DPF3: variants seen among roughly 807,000 people sequenced by gnomAD.
The protein encoded by DPF3 is zinc finger protein DPF3.
In DPF3, 18 loss-of-function variants were observed where a neutral mutation model predicts 56.8. The observed-to-expected ratio is 0.32, with a 90% CI of 0.22 to 0.47. DPF3 has a LOEUF of 0.47. Ranked by LOEUF, DPF3 falls within the 20% of genes least tolerant of loss-of-function variation. DPF3 has a pLI of 1.00. For synonymous variants in DPF3, 188 were observed against 180.2 expected (o/e 1.04, Z -0.35); for missense variants, 403 against 488.8 (o/e 0.82, Z 1.65).
At position 72,610,386 on chromosome 14, in the gene DPF3, G is replaced by A. The variant is rs753875546; in HGVS notation, c.*8911C>T. The stretch of plus-strand genomic sequence containing the variant: ...GCCACCTGCCAAAGCCCACCCAGAG[G>A]AATCCCAGCGTTCACAAATGGAGGC... On this transcript the variant is annotated 3_prime_UTR_variant, in exon 11 of 11. Coordinates refer to ENST00000556509, the MANE Select transcript of DPF3 (RefSeq NM_001280542.3). 1.7e-4 allele frequency among the ~76,000 whole-genome samples: 26 copies of A among 152,186 alleles called. No homozygotes were observed. Among genetic ancestry groups the A allele is most frequent in the Non-Finnish European group, 3.2e-4 (22 of 68,030 alleles).
intron 1 of DPF3, among the ~76,000 whole-genome samples, chr14:72,861,759 G>GAAAGAAAA: frequency 7.0e-6 from 1 of 142,670 alleles, no homozygotes; most frequent in African/African-American, 2.7e-5. Context: ...AAGAAAGAAA[G>GAAAGAAAA]AAAGAAAGAA....
chr14:72,818,033 G>A (rs1883364184), intron 1 of DPF3, among the ~76,000 whole-genome samples: 1 of 151,834 alleles, frequency 6.6e-6, no homozygotes, highest in Admixed American at 6.6e-5. Context: ...ATCACTTGAG[G>A]TCACGGGTTT....
At chr14:72,714,607 G>C in intron 5 of DPF3, 106 bp from the exon 6 acceptor site, 1 of 1,272,378 alleles carries the variant, frequency 7.9e-7, no homozygotes, top group Non-Finnish European at 1.1e-6. Context: ...CAACTTTTGT[G>C]CCAACACCAG....
intron 3 of DPF3, among the ~76,000 whole-genome samples, chr14:72,743,785 A>T (rs898727533): frequency 6.6e-6 from 1 of 152,106 alleles, no homozygotes; most frequent in Non-Finnish European, 1.5e-5. Flanking sequence ...TCCTGGGGAG[A>T]TGGTCCGGGG....
chr14:72,819,442 C>T (rs1883433138), intron 1 of DPF3, among the ~76,000 whole-genome samples: 1 of 151,982 alleles, frequency 6.6e-6, no homozygotes, highest in Non-Finnish European at 1.5e-5. Context: ...AAACTGGAAA[C>T]AACCCAAATG....
chr14:72,643,831 T>C (rs544893325), intron 8 of DPF3, among the ~76,000 whole-genome samples: 11 of 152,348 alleles, frequency 7.2e-5, no homozygotes, highest in Admixed American at 2.6e-4. Flanking sequence ...CCCACTCACC[T>C]TGTCTAAGAA....
chr14:72,840,116 T>C (rs944301152), intron 1 of DPF3, among the ~76,000 whole-genome samples: 1 of 152,188 alleles, frequency 6.6e-6, no homozygotes, highest in Admixed American at 6.5e-5. Context: ...AGACAGGAGC[T>C]AGAATTATTG....
At chr14:72,707,358 G>A (rs1339232501) in intron 6 of DPF3, among the ~76,000 whole-genome samples, 1 of 151,994 alleles carries the variant, frequency 6.6e-6, no homozygotes. Flanking sequence ...GGGATGGCTG[G>A]GTCAAATGGT....
intron 1 of DPF3, among the ~76,000 whole-genome samples, chr14:72,837,864 G>A (rs1228981490): frequency 2.0e-5 from 3 of 152,200 alleles, no homozygotes; most frequent in African/African-American, 4.8e-5. Flanking sequence ...GTTCGTCTGC[G>A]GCCTTCATGA....
chr14:72,729,739 G>A (rs1165092659), intron 4 of DPF3, among the ~76,000 whole-genome samples: 2 of 152,200 alleles, frequency 1.3e-5, no homozygotes, highest in Non-Finnish European at 2.9e-5. Flanking sequence ...ATGGAGACGG[G>A]GAAACGGCCA....
chr14:72,797,927 C>A (rs898548438), intron 1 of DPF3, among the ~76,000 whole-genome samples: 1 of 152,124 alleles, frequency 6.6e-6, no homozygotes, highest in African/African-American at 2.4e-5. Context: ...AATAAGACAG[C>A]ATGGGAAGGC....
intron 2 of DPF3, among the ~76,000 whole-genome samples, chr14:72,755,354 T>C (rs1461736146): frequency 1.3e-5 from 2 of 152,134 alleles, no homozygotes; most frequent in Non-Finnish European, 2.9e-5. Context: ...TTTAGACCCA[T>C]TCTTCTGGGA....
chr14:72,753,284 C>A lies in DPF3; in HGVS notation c.281G>T (p.Arg94Leu). 2 of 1,613,682 alleles carry A rather than the reference C, an allele frequency of 1.2e-6. No individual in the cohort carries two copies. Among genetic ancestry groups the A allele is most frequent in the East Asian group, 2.2e-5 (1 of 44,866 alleles). Residue 94 changes from arginine (R) to leucine (L), a missense_variant, in exon 3 of 11, where the codon CGG becomes CTG. Arg to Leu is a moderately radical substitution (Grantham distance 102). Transcript: ENST00000556509. ...RLHPPEDPKL[R>L]LLEIKPEVEL... ...CTGACCAGGTTTTATCTCCAGCAGC[C>A]GCAGTTTTGGATCTTCAGGTGGGTG... is the stretch of plus-strand genomic sequence containing the variant.
chr14:72,762,134 C>A (rs554504997), intron 2 of DPF3, among the ~76,000 whole-genome samples: 1 of 151,696 alleles, frequency 6.6e-6, no homozygotes, highest in African/African-American at 2.4e-5. Flanking sequence ...AGAAATAATA[C>A]CAATTCTATA....
At chr14:72,667,303 G>C (rs1275975649) in intron 8 of DPF3, among the ~76,000 whole-genome samples, 2 of 152,094 alleles carry the variant, frequency 1.3e-5, no homozygotes, top group African/African-American at 2.4e-5. Context: ...GATTGTTCTA[G>C]GTAGGGAAAA....
chr14:72,849,664 C>T (rs1884895856), intron 1 of DPF3, among the ~76,000 whole-genome samples: 1 of 152,168 alleles, frequency 6.6e-6, no homozygotes, highest in South Asian at 2.1e-4. Flanking sequence ...ACTCCTTCCT[C>T]CCCATTCCCT....
At position 72,614,464 on chromosome 14, in the gene DPF3, C is replaced by G. The variant is rs917244532; in HGVS notation, c.*4833G>C. Among the ~76,000 whole-genome samples, 3 of 152,160 alleles carry G rather than the reference C, an allele frequency of 2.0e-5. No homozygotes were observed. The highest frequency in any genetic ancestry group is 2.4e-5 in the African/African-American group (1 of 41,432). ...GAGAGGAGCAGGATGGCCAGTCCCC[C>G]TCTTCCCTTCCCAGCTACTGGTGTC... On this transcript the variant is annotated 3_prime_UTR_variant, in exon 11 of 11. Transcript: ENST00000556509.
rs766396428 is a variant in DPF3, at chr14:72,718,771, A to ATTTTTTTTTTTTTTTTTT, written c.526-4271_526-4270insAAAAAAAAAAAAAAAAAA. 1.9e-4 allele frequency among the ~76,000 whole-genome samples: 18 copies of ATTTTTTTTTTTTTTTTTT among 93,892 alleles called. 2 individuals are homozygous for ATTTTTTTTTTTTTTTTTT. The highest frequency in any genetic ancestry group is 0.011 in the Middle Eastern group (1 of 90). 61.6% of individuals were successfully genotyped at this position (93,892 alleles called of 152,430 possible). ...AGAACCACTGCTCTACACCCTTGCT[A>ATTTTTTTTTTTTTTTTTT]TTTTTTTTTTTTTTGAGACGGAGTC... On this transcript the variant is annotated intron_variant, in intron 5 of 10. Transcript: ENST00000556509.
At chr14:72,799,448 T>G (rs1417917428) in intron 1 of DPF3, among the ~76,000 whole-genome samples, 1 of 152,074 alleles carries the variant, frequency 6.6e-6, no homozygotes, top group East Asian at 1.9e-4. Flanking sequence ...GAGGATTATT[T>G]GAGGCCAGGA....
Sources: allele counts gnomAD v4.1 joint callset (sites outside exome capture counted in the v4.1 genomes callset), GRCh38; gene constraint gnomAD v4.1.1; transcripts MANE v1.5; gene names NCBI Gene and HGNC (gene_info 2026-07-23, HGNC 2026-07-21).